GRM7: variants seen among roughly 807,000 people sequenced by gnomAD.
GRM7 encodes metabotropic glutamate receptor 7.
GRM7 carries 35 observed loss-of-function variants against 84.5 expected under a neutral mutation model. That is an observed-to-expected ratio of 0.41 (90% CI 0.32 to 0.55). The LOEUF is 0.55. Among genes scored for constraint, GRM7 ranks in the 20% least tolerant of loss-of-function variants. GRM7 has a pLI of 0.19. For missense variants in GRM7, 1,003 were observed against 1,194.6 expected (o/e 0.84, Z 2.36); for synonymous variants, 487 against 455.1 (o/e 1.07, Z -0.89).
intron 1 of GRM7, among the ~76,000 whole-genome samples, chr3:7,108,935 T>A (rs140670578): frequency 6.6e-6 from 1 of 152,182 alleles, no homozygotes; most frequent in East Asian, 1.9e-4. Context: ...AGAGTTAGCA[T>A]GCAATTGGAG....
chr3:7,158,289 A>C (rs961602211), intron 2 of GRM7, among the ~76,000 whole-genome samples: 1 of 151,432 alleles, frequency 6.6e-6, no homozygotes, highest in Non-Finnish European at 1.5e-5. Context: ...TCTCTTCCCC[A>C]CTCTCTCAGC....
chr3:7,012,356 T>C (rs1160788560), intron 1 of GRM7, among the ~76,000 whole-genome samples: 1 of 152,236 alleles, frequency 6.6e-6, no homozygotes, highest in East Asian at 1.9e-4. Flanking sequence ...ATGTAAAATC[T>C]TCGCATTTTA....
chr3:7,384,213 G>T (rs1425638667), intron 4 of GRM7, among the ~76,000 whole-genome samples: 1 of 152,032 alleles, frequency 6.6e-6, no homozygotes, highest in Non-Finnish European at 1.5e-5. Flanking sequence ...ATTTTTAGTA[G>T]AGACAGGGTT....
At chr3:7,331,807 AG>A (rs1701219009) in intron 4 of GRM7, among the ~76,000 whole-genome samples, 2 of 152,194 alleles carry the variant, frequency 1.3e-5, no homozygotes, top group Admixed American at 6.5e-5. Context: ...TAGCTCTCTA[AG>A]GGCTCTACCA....
chr3:7,570,210 AT>A (rs2125044878), intron 7 of GRM7, among the ~76,000 whole-genome samples: 1 of 151,756 alleles, frequency 6.6e-6, no homozygotes, highest in East Asian at 1.9e-4. Context: ...CCCCTCCCAA[AT>A]CTCATGTCCT....
chr3:6,900,850 C>T lies in GRM7; in HGVS notation c.519+38943C>T, dbSNP rs941178559. 6.6e-5 allele frequency among the ~76,000 whole-genome samples: 10 copies of T among 152,288 alleles called. 1 individual carries two copies. The highest frequency in any genetic ancestry group is 3.4e-3 in the Middle Eastern group (1 of 294). ...CTAGGTATTATTGTTTAACACACCA[C>T]GACCTAGCCCTGCAAGCACCAGGCT... On this transcript the variant is annotated intron_variant, in intron 1 of 9. Coordinates refer to ENST00000357716, the MANE Select transcript of GRM7 (RefSeq NM_000844.4).
intron 8 of GRM7, among the ~76,000 whole-genome samples, chr3:7,636,098 T>C (rs372552743): frequency 6.6e-6 from 1 of 152,360 alleles, no homozygotes; most frequent in East Asian, 1.9e-4. Context: ...TTCTTTAAAA[T>C]AGGTTTATGG....
chr3:7,610,997 C>T (rs1040723256), intron 8 of GRM7, among the ~76,000 whole-genome samples: 2 of 152,116 alleles, frequency 1.3e-5, no homozygotes, highest in Admixed American at 6.5e-5. Flanking sequence ...TTCTGTCTGT[C>T]CTTAAATATT....
At chr3:7,639,761 T>A (rs1395702882) in intron 8 of GRM7, among the ~76,000 whole-genome samples, 1 of 152,192 alleles carries the variant, frequency 6.6e-6, no homozygotes, top group Non-Finnish European at 1.5e-5. Context: ...TAAATGTGTT[T>A]GGGATACATT....
intron 9 of GRM7, among the ~76,000 whole-genome samples, chr3:7,735,615 A>G (rs767818302): frequency 7.2e-5 from 11 of 152,180 alleles, no homozygotes; most frequent in Non-Finnish European, 1.5e-4. Flanking sequence ...GAACTTTTAC[A>G]TAAAATTATA....
chr3:7,373,076 T>C (rs1322098564), intron 4 of GRM7, among the ~76,000 whole-genome samples: 1 of 152,152 alleles, frequency 6.6e-6, no homozygotes, highest in African/African-American at 2.4e-5. Flanking sequence ...TTGAAGGCAC[T>C]CAAACTGTTT....
intron 5 of GRM7, among the ~76,000 whole-genome samples, chr3:7,441,479 A>C (rs888698062): frequency 3.9e-5 from 6 of 152,080 alleles, no homozygotes; most frequent in African/African-American, 1.4e-4. Context: ...TGCTGTGTAG[A>C]AGCTCTTTAG....
chr3:7,170,404 A>G (rs1694946235), intron 2 of GRM7, among the ~76,000 whole-genome samples: 1 of 151,962 alleles, frequency 6.6e-6, no homozygotes, highest in South Asian at 2.1e-4. Context: ...CAGGAACATA[A>G]CTCTGCTGCA....
chr3:7,152,359 A>G (rs1320805654), intron 2 of GRM7, among the ~76,000 whole-genome samples: 1 of 152,192 alleles, frequency 6.6e-6, no homozygotes, highest in Non-Finnish European at 1.5e-5. Context: ...TAATCTTTCT[A>G]AAACATAAAT....
chr3:7,348,512 A>G (rs547873357), intron 4 of GRM7, among the ~76,000 whole-genome samples: 153 of 152,226 alleles, frequency 1.0e-3, no homozygotes, highest in African/African-American at 3.5e-3. Context: ...TGGGATAATG[A>G]TAGCTGCTTT....
chr3:7,519,491 T>C lies in GRM7; in HGVS notation c.1515+57769T>C, dbSNP rs148652685. On this transcript the variant is annotated intron_variant, in intron 7 of 9. Coordinates refer to ENST00000357716, the MANE Select transcript of GRM7 (RefSeq NM_000844.4). The stretch of plus-strand genomic sequence containing the variant: ...CATGGGACTTCTCAGTTAACCTTAA[T>C]ATTCAATTCAGATAATACCATTCAT... 3.6e-3 allele frequency among the ~76,000 whole-genome samples: 547 copies of C among 152,344 alleles called. 5 individuals are homozygous for C. Among genetic ancestry groups the C allele is most frequent in the African/African-American group, 0.012 (499 of 41,576 alleles).
intron 2 of GRM7, among the ~76,000 whole-genome samples, chr3:7,184,068 T>C (rs910292470): frequency 2.0e-5 from 3 of 152,072 alleles, no homozygotes; most frequent in African/African-American, 7.2e-5. Flanking sequence ...TCTTTAGTCT[T>C]ATGACAAGGA....
chr3:7,089,089 C>G (rs1483088361), intron 1 of GRM7, among the ~76,000 whole-genome samples: 1 of 152,078 alleles, frequency 6.6e-6, no homozygotes, highest in Non-Finnish European at 1.5e-5. Context: ...TCTCTGTTTT[C>G]TAATCATTTT....
intron 1 of GRM7, among the ~76,000 whole-genome samples, chr3:7,119,207 G>C (rs111416520): frequency 6.6e-6 from 1 of 151,728 alleles, no homozygotes; most frequent in African/African-American, 2.4e-5. Flanking sequence ...TTTATTAAAC[G>C]TTCCTCAGTA....
Sources: allele counts gnomAD v4.1 joint callset (sites outside exome capture counted in the v4.1 genomes callset), GRCh38; gene constraint gnomAD v4.1.1; transcripts MANE v1.5; gene names NCBI Gene and HGNC (gene_info 2026-07-23, HGNC 2026-07-21).